ADGRB3: variants seen among roughly 807,000 people sequenced by gnomAD.
The protein encoded by ADGRB3 is adhesion G protein-coupled receptor B3.
Under a neutral mutation model 193.4 loss-of-function variants are expected in ADGRB3, and 37 were observed. The ratio of observed to expected loss-of-function variants is 0.19; its 90% CI spans 0.15 to 0.25. ADGRB3 has a LOEUF of 0.25. Ranked by LOEUF, ADGRB3 falls within the 10% of genes least tolerant of loss-of-function variation. The pLI is 1.00. For synonymous variants in ADGRB3, 690 were observed against 644.2 expected, an observed-to-expected ratio of 1.07 and a Z score of -1.08; for missense variants, 1,637 against 1,852.9, an observed-to-expected ratio of 0.88 and a Z score of 2.14.
chr6:68,975,494 T>C (rs1768717356), intron 10 of ADGRB3, among the ~76,000 whole-genome samples, 154 bp downstream of exon 10: 1 of 152,224 alleles, frequency 6.6e-6, no homozygotes, highest in African/African-American at 2.4e-5. Flanking sequence ...AGCTAATTTT[T>C]ATAGGTCAGT....
intron 6 of ADGRB3, among the ~76,000 whole-genome samples, chr6:68,949,557 C>T (rs887356014): frequency 1.3e-5 from 2 of 152,120 alleles, no homozygotes; most frequent in Admixed American, 1.3e-4. Flanking sequence ...CTGCAGGGTG[C>T]CCTTCTGGTG....
intron 17 of ADGRB3, among the ~76,000 whole-genome samples, chr6:69,143,524 A>G (rs1774397218): frequency 6.6e-6 from 1 of 152,196 alleles, no homozygotes; most frequent in South Asian, 2.1e-4. Flanking sequence ...AGTCTTAGAT[A>G]TAAGACTTTC....
chr6:69,082,349 A>C (rs1345596732), intron 17 of ADGRB3, among the ~76,000 whole-genome samples: 1 of 152,074 alleles, frequency 6.6e-6, no homozygotes, highest in Non-Finnish European at 1.5e-5. Flanking sequence ...TATCTCCATT[A>C]GTTCTGGAAA....
At chr6:68,751,942 C>T (rs915729171) in intron 3 of ADGRB3, among the ~76,000 whole-genome samples, 4 of 152,118 alleles carry the variant, frequency 2.6e-5, no homozygotes, top group Non-Finnish European at 5.9e-5. Flanking sequence ...ACTGGGAACT[C>T]ATTTTTATTT....
chr6:68,720,112 T>A (rs566554614), intron 3 of ADGRB3, among the ~76,000 whole-genome samples: 1 of 151,944 alleles, frequency 6.6e-6, no homozygotes, highest in African/African-American at 2.4e-5. Context: ...AATCAAGGAA[T>A]CAACTATGAA....
chr6:69,057,389 C>G (rs1771575068), intron 15 of ADGRB3, among the ~76,000 whole-genome samples: 1 of 151,886 alleles, frequency 6.6e-6, no homozygotes, highest in Non-Finnish European at 1.5e-5. Flanking sequence ...ATTTGGATGC[C>G]TTTTATTTCT....
chr6:69,311,579 A>G (rs1413601664), intron 20 of ADGRB3, among the ~76,000 whole-genome samples: 2 of 151,730 alleles, frequency 1.3e-5, no homozygotes, highest in Non-Finnish European at 2.9e-5. Flanking sequence ...TAACTTTTGC[A>G]TCTGACCCAA....
At chr6:68,992,025 G>A (rs1230506017) in intron 10 of ADGRB3, among the ~76,000 whole-genome samples, 1 of 152,028 alleles carries the variant, frequency 6.6e-6, no homozygotes, top group East Asian at 1.9e-4. Context: ...ATTTTGCTAT[G>A]CTGTTTGCTA....
chr6:69,112,763 A>T (rs1014040759), intron 17 of ADGRB3, among the ~76,000 whole-genome samples: 4 of 148,852 alleles, frequency 2.7e-5, no homozygotes, highest in Admixed American at 6.7e-5. Flanking sequence ...TCCAGAGATA[A>T]TTTTTTTTTT....
intron 17 of ADGRB3, among the ~76,000 whole-genome samples, chr6:69,189,595 C>G (rs1415523905): frequency 6.6e-6 from 1 of 152,090 alleles, no homozygotes; most frequent in Non-Finnish European, 1.5e-5. Flanking sequence ...GGTAAAAATG[C>G]CATCTAGTTC....
chr6:68,936,959 C>T (rs1767502545), intron 5 of ADGRB3, among the ~76,000 whole-genome samples: 2 of 152,104 alleles, frequency 1.3e-5, no homozygotes, highest in Admixed American at 1.3e-4. Flanking sequence ...AATTATCTTT[C>T]TGTGTTTTAG....
chr6:68,815,944 G>A (rs1022776983), intron 3 of ADGRB3, among the ~76,000 whole-genome samples: 4 of 151,768 alleles, frequency 2.6e-5, no homozygotes, highest in Non-Finnish European at 4.4e-5. Flanking sequence ...AGGCAGATAT[G>A]GGGAAGGTAT....
At chr6:69,131,903 T>C (rs1021846175) in intron 17 of ADGRB3, among the ~76,000 whole-genome samples, 4 of 152,086 alleles carry the variant, frequency 2.6e-5, no homozygotes, top group Non-Finnish European at 5.9e-5. Context: ...TGTGTTAGTT[T>C]GCTGAGAATG....
chr6:68,650,030 G>C (rs956662377), intron 3 of ADGRB3, among the ~76,000 whole-genome samples: 2 of 152,082 alleles, frequency 1.3e-5, no homozygotes, highest in Admixed American at 6.5e-5. Context: ...ATAATACCTT[G>C]AGAACAACAG....
In ADGRB3 at chr6:69,362,354, C is replaced by T. The variant is rs1769472365; in HGVS notation, c.4239+842C>T. On this transcript the variant is annotated intron_variant, in intron 29 of 31. Transcript: ENST00000370598. ...AGATTATTACATAAAACACTATCTA[C>T]AGAAAGGCACTATAATTAGTTGCCT... 4.6e-5 allele frequency among the ~76,000 whole-genome samples: 7 copies of T among 152,008 alleles called. No homozygotes were observed. The South Asian group carries it at 1.5e-3, about 32-fold the overall frequency.
intron 6 of ADGRB3, among the ~76,000 whole-genome samples, chr6:68,954,403 G>A (rs1421695465): frequency 6.6e-6 from 1 of 152,036 alleles, no homozygotes; most frequent in Non-Finnish European, 1.5e-5. Context: ...ATCTCCCAAA[G>A]ATAAATCAAG....
At chr6:68,954,452 G>A (rs1337389443) in intron 6 of ADGRB3, among the ~76,000 whole-genome samples, 1 of 152,006 alleles carries the variant, frequency 6.6e-6, no homozygotes, top group African/African-American at 2.4e-5. Flanking sequence ...TCAGAAAACA[G>A]CCATCTAAGA....
intron 3 of ADGRB3, among the ~76,000 whole-genome samples, chr6:68,893,867 T>C (rs1160498979): frequency 6.6e-6 from 1 of 151,982 alleles, no homozygotes; most frequent in Non-Finnish European, 1.5e-5. Context: ...TCAAATACTG[T>C]ACTTATATAC....
At chr6:69,154,733 A>G (rs1432099117) in intron 17 of ADGRB3, among the ~76,000 whole-genome samples, 3 of 152,166 alleles carry the variant, frequency 2.0e-5, no homozygotes, top group Admixed American at 1.3e-4. Context: ...TGATTTCCCC[A>G]GTCTTCACAC....
Sources: allele counts gnomAD v4.1 joint callset (sites outside exome capture counted in the v4.1 genomes callset), GRCh38; gene constraint gnomAD v4.1.1; transcripts MANE v1.5; gene names NCBI Gene and HGNC (gene_info 2026-07-23, HGNC 2026-07-21).